The following GRIA1 variants were observed in gnomAD, a reference collection of about 807,000 sequenced individuals.
GRIA1 encodes glutamate ionotropic receptor AMPA type subunit 1, also known as glutamate receptor 1.
Under a neutral mutation model 99.2 loss-of-function variants are expected in GRIA1, and 31 were observed. The ratio of observed to expected loss-of-function variants is 0.31; its 90% CI spans 0.23 to 0.42. The LOEUF is 0.42. GRIA1 is among the 10% of genes least tolerant of loss of function. GRIA1 has a pLI of 1.00. For missense variants in GRIA1, 782 were observed against 1,157.5 expected (o/e 0.68, Z 4.71); for synonymous variants, 438 against 432.4 (o/e 1.01, Z -0.16).
At chr5:153,704,702 C>T (rs1758768731) in intron 10 of GRIA1, among the ~76,000 whole-genome samples, 1 of 152,198 alleles carries the variant, frequency 6.6e-6, no homozygotes, top group South Asian at 2.1e-4. Context: ...CCAGAGCAAC[C>T]TGTCAAAGTC....
At position 153,693,516 on chromosome 5, in the gene GRIA1, T is replaced by C. The variant is rs572037561; in HGVS notation, c.1135-4528T>C. Among the ~76,000 whole-genome samples, 6 of 152,314 alleles carry C rather than the reference T, an allele frequency of 3.9e-5. No individual in the cohort carries two copies. In the East Asian group the frequency reaches 1.2e-3, roughly 29 times the overall value. The stretch of plus-strand genomic sequence containing the variant: ...GCCTGGAGATACCAATTTCTGAATT[T>C]GATTTGATGACTGTGCAATATAGAT... On this transcript the variant is annotated intron_variant, in intron 8 of 15. Transcript: ENST00000285900.
chr5:153,724,338 A>T (rs7717314), intron 11 of GRIA1, among the ~76,000 whole-genome samples: 117 of 151,206 alleles, frequency 7.7e-4, no homozygotes, highest in African/African-American at 2.8e-3. Context: ...AAAGCAGAGC[A>T]CCTCTCCTCC....
At chr5:153,553,157 C>A (rs999589633) in intron 2 of GRIA1, among the ~76,000 whole-genome samples, 4 of 152,174 alleles carry the variant, frequency 2.6e-5, no homozygotes, top group African/African-American at 9.7e-5. Flanking sequence ...TTCCAACATT[C>A]CTTCTTAACT....
chr5:153,490,736 C>A lies in GRIA1; in HGVS notation c.-153C>A. The A allele has an allele frequency of 1.4e-6, 1 of 722,022 alleles. No homozygotes were observed. The highest frequency in any genetic ancestry group is 2.5e-6 in the Non-Finnish European group (1 of 393,742). 44.7% of individuals were successfully genotyped at this position (722,022 alleles called of 1,614,324 possible). ...GTGTTCGGATTCCAAGGGAAACAGA[C>A]AAACCTCACGAAAGGAAGGAAGCAA... On this transcript the variant is annotated 5_prime_UTR_variant, in exon 1 of 16. Coordinates refer to ENST00000285900, the MANE Select transcript of GRIA1 (RefSeq NM_000827.4).
intron 2 of GRIA1, among the ~76,000 whole-genome samples, chr5:153,518,918 A>G (rs565935326): frequency 3.9e-5 from 6 of 152,250 alleles, no homozygotes; most frequent in African/African-American, 1.4e-4. Flanking sequence ...TGATTCTCAA[A>G]AGATGACCGT....
chr5:153,655,965 A>G (rs2963944), intron 5 of GRIA1, 93 bp downstream of exon 5: 295,154 of 1,034,850 alleles, frequency 0.29, 47,203 homozygotes, highest in Non-Finnish European at 0.33. Flanking sequence ...TGAACTGAGT[A>G]GGTGGAAGGG....
chr5:153,496,584 G>A (rs1581128669), intron 2 of GRIA1, among the ~76,000 whole-genome samples: 1 of 152,142 alleles, frequency 6.6e-6, no homozygotes, highest in Non-Finnish European at 1.5e-5. Flanking sequence ...ATGGTGGCCT[G>A]GCTGGAGGAG....
Position 153,585,974 on chromosome 5 carries a change from G to T in GRIA1, c.221-60954G>T, listed in dbSNP as rs963448352. ...GAGGAGGGGGAGTGTGGTGAGGAGG[G>T]GGAGTGTGCTGATTTCAAGCATTTG... On this transcript the variant is annotated intron_variant, in intron 2 of 15. Transcript: ENST00000285900. Among the ~76,000 whole-genome samples the T allele has an allele frequency of 3.9e-5, 6 of 152,030 alleles. No individual in the cohort carries two copies. In the East Asian group the frequency reaches 1.2e-3, roughly 29 times the overall value.
At chr5:153,582,344 G>A (rs904396782) in intron 2 of GRIA1, among the ~76,000 whole-genome samples, 1 of 152,134 alleles carries the variant, frequency 6.6e-6, no homozygotes, top group African/African-American at 2.4e-5. Context: ...TGGGGATCAG[G>A]GTGTCTTGAG....
chr5:153,710,236 A>C (rs1759213186), intron 11 of GRIA1, among the ~76,000 whole-genome samples: 1 of 151,538 alleles, frequency 6.6e-6, no homozygotes, highest in African/African-American at 2.4e-5. Flanking sequence ...AAAAAAAAAA[A>C]AACAACTTTT....
In GRIA1 at chr5:153,706,201, T is replaced by C. The variant is rs1758886948; in HGVS notation, c.1823+134T>C. 4 of 870,582 alleles carry C rather than the reference T, an allele frequency of 4.6e-6. No individual in the cohort carries two copies. The South Asian group carries it at 5.0e-5, about 11-fold the overall frequency. The allele number at this position is 870,582 out of a possible 1,614,324, so 53.9% of individuals were successfully genotyped here. On this transcript the variant is annotated intron_variant, in intron 11 of 15. Coordinates refer to ENST00000285900, the MANE Select transcript of GRIA1 (RefSeq NM_000827.4). ...ACTGTATTCAGTTTTTCAACTATTC[T>C]TTACAATCAACTGTCCATTGCACGC...
chr5:153,656,383 T>TTTTATATA (rs769901040), intron 5 of GRIA1, among the ~76,000 whole-genome samples: 5 of 92,664 alleles, frequency 5.4e-5, no homozygotes, highest in African/African-American at 2.1e-4. Flanking sequence ...ATAAGTTTGT[T>TTTTATATA]TATATATATA....
At chr5:153,534,469 A>G (rs566336568) in intron 2 of GRIA1, among the ~76,000 whole-genome samples, 1 of 152,372 alleles carries the variant, frequency 6.6e-6, no homozygotes, top group South Asian at 2.1e-4. Context: ...AACACTTCAG[A>G]AAACCTTGAT....
intron 11 of GRIA1, among the ~76,000 whole-genome samples, chr5:153,754,149 A>G (rs1762670030): frequency 6.6e-6 from 1 of 152,170 alleles, no homozygotes. Flanking sequence ...CCTGGCCTCT[A>G]ATAATTCCAG....
chr5:153,729,192 C>G (rs959610679), intron 11 of GRIA1, among the ~76,000 whole-genome samples: 1 of 146,876 alleles, frequency 6.8e-6, no homozygotes, highest in Non-Finnish European at 1.5e-5. Flanking sequence ...AATGAGAACA[C>G]ATGGACATAG....
At chr5:153,630,392 A>G (rs1752858831) in intron 2 of GRIA1, among the ~76,000 whole-genome samples, 1 of 152,154 alleles carries the variant, frequency 6.6e-6, no homozygotes, top group Non-Finnish European at 1.5e-5. Flanking sequence ...GAAAAAGCCC[A>G]ATGTTTATTA....
intron 5 of GRIA1, among the ~76,000 whole-genome samples, chr5:153,669,413 G>A (rs1755985976): frequency 6.6e-6 from 1 of 152,102 alleles, no homozygotes; most frequent in African/African-American, 2.4e-5. Context: ...GCACTTAACA[G>A]CACCAGTGTG....
intron 2 of GRIA1, among the ~76,000 whole-genome samples, chr5:153,530,677 C>T (rs1253451516): frequency 6.6e-6 from 1 of 152,182 alleles, no homozygotes; most frequent in African/African-American, 2.4e-5. Flanking sequence ...TGGGTGTTTG[C>T]ATTCAGACAG....
At chr5:153,673,127 C>T (rs561260317) in intron 5 of GRIA1, among the ~76,000 whole-genome samples, 31 of 152,296 alleles carry the variant, frequency 2.0e-4, no homozygotes, top group African/African-American at 7.2e-4. Flanking sequence ...ACAATCACAC[C>T]AGCCTCCTTA....
Sources: gnomAD v4.1 joint callset for allele counts (sites outside exome capture counted in the v4.1 genomes callset) on GRCh38, gnomAD v4.1.1 for gene constraint, MANE v1.5 for transcripts, NCBI Gene and HGNC (gene_info 2026-07-23, HGNC 2026-07-21) for gene names.